Variants in CD247 observed in about 807,000 individuals in gnomAD.
CD247 encodes the protein T-cell surface glycoprotein CD3 zeta chain.
Under a neutral mutation model 30.0 loss-of-function variants are expected in CD247, and 13 were observed. The observed-to-expected ratio is 0.43, with a 90% CI of 0.28 to 0.69. The LOEUF is 0.69. Ranked by LOEUF, CD247 falls within the 30% of genes least tolerant of loss-of-function variation. The pLI, the probability that CD247 is intolerant of heterozygous loss-of-function variation, is 0.16. For synonymous variants in CD247, 72 were observed against 80.0 expected (o/e 0.90, Z 0.53); for missense variants, 193 against 212.6 (o/e 0.91, Z 0.57).
rs753309464 is a variant in CD247, at chr1:167,458,968, CA to C, written c.59-18202del. ...TGAAACCCCGTCTCTACTAAAAATA[CA>C]AAAAAAAAAAAATCTGTTAGCTGAG... On this transcript the variant is annotated intron_variant, in intron 1 of 7. Coordinates refer to ENST00000362089, the MANE Select transcript of CD247 (RefSeq NM_198053.3). Among the ~76,000 whole-genome samples the C allele has an allele frequency of 6.5e-3, 909 of 140,776 alleles. 1 individual carries two copies. Among genetic ancestry groups the C allele is most frequent in the African/African-American group, 8.5e-3 (329 of 38,598 alleles). 92.4% of individuals were successfully genotyped at this position (140,776 alleles called of 152,430 possible).
intron 1 of CD247, among the ~76,000 whole-genome samples, chr1:167,483,966 G>C (rs1006530874): frequency 5.3e-5 from 8 of 152,370 alleles, no homozygotes; most frequent in Admixed American, 5.2e-4. Flanking sequence ...TTCCTGAACA[G>C]AGGCTGCCCA....
At chr1:167,432,916 C>T in intron 7 of CD247, 108 bp downstream of exon 7, 2 of 1,243,222 alleles carry the variant, frequency 1.6e-6, no homozygotes, top group Non-Finnish European at 2.4e-6. Context: ...TTGCCCTGCC[C>T]AGCTGTTGGC....
intron 1 of CD247, among the ~76,000 whole-genome samples, chr1:167,484,765 G>A (rs1654134109): frequency 6.6e-6 from 1 of 152,218 alleles, no homozygotes; most frequent in South Asian, 2.1e-4. Flanking sequence ...GACAGAGCGA[G>A]ACTCTGTCTC....
chr1:167,438,536 G>A (rs1332344429), intron 4 of CD247, 34 bp downstream of exon 4: 4 of 1,547,332 alleles, frequency 2.6e-6, no homozygotes, highest in Non-Finnish European at 2.7e-6. Context: ...CACCACACAT[G>A]CAGGAACACA....
intron 1 of CD247, among the ~76,000 whole-genome samples, chr1:167,466,465 AT>A (rs1432464902): frequency 5.3e-5 from 8 of 151,658 alleles, no homozygotes; most frequent in Non-Finnish European, 7.4e-5. Flanking sequence ...GGAAATTTCC[AT>A]TTTGAGATAA....
intron 1 of CD247, among the ~76,000 whole-genome samples, chr1:167,470,054 C>T (rs563079305): frequency 2.0e-5 from 3 of 152,240 alleles, no homozygotes; most frequent in South Asian, 2.1e-4. Context: ...GCTGGGATTA[C>T]AGGCTCATGC....
chr1:167,502,091 C>T (rs858537), intron 1 of CD247, among the ~76,000 whole-genome samples: 4,260 of 152,334 alleles, frequency 0.028, 86 homozygotes, highest in Non-Finnish European at 0.036. Context: ...CCACAATCTC[C>T]GTCTGGGCCA....
chr1:167,435,420 G>A lies in CD247; in HGVS notation c.315C>T (p.Asn105=). 1 of 1,612,550 alleles carries A rather than the reference G, an allele frequency of 6.2e-7. No individual in the cohort carries two copies. The highest frequency in any genetic ancestry group is 2.2e-5 in the East Asian group (1 of 44,872). ...EMGGKPQRRK[N]PQEGLYNELQ... ...TCACATTGTACAGGCCTTCCTGAGG[G>A]TTCTTCCTTCTCTGCTAGGAAAGAC... Residue 105 remains asparagine (N), a synonymous_variant, in exon 5 of 8, where the codon AAC becomes AAT. Transcript: ENST00000362089.
In CD247 at chr1:167,485,311, C is replaced by T. The variant is rs946570246; in HGVS notation, c.58+33097G>A. Among the ~76,000 whole-genome samples, 6 of 152,296 alleles carry T rather than the reference C, an allele frequency of 3.9e-5. No homozygotes were observed. In the East Asian group the frequency reaches 5.8e-4, roughly 15 times the overall value. On this transcript the variant is annotated intron_variant, in intron 1 of 7. Transcript: ENST00000362089. ...CCTGCTCACAGCTCTGTCCCTGTGC[C>T]GCTGTGGCCTGGCGCTGCGTCTGGG... is the stretch of plus-strand genomic sequence containing the variant.
At chr1:167,471,418 G>A (rs984806673) in intron 1 of CD247, among the ~76,000 whole-genome samples, 7 of 152,122 alleles carry the variant, frequency 4.6e-5, no homozygotes, top group African/African-American at 1.7e-4. Flanking sequence ...ACCACACTGG[G>A]TATTATCATT....
chr1:167,509,445 T>C (rs1306126438), intron 1 of CD247, among the ~76,000 whole-genome samples: 1 of 151,852 alleles, frequency 6.6e-6, no homozygotes, highest in Non-Finnish European at 1.5e-5. Context: ...AAGTAGGTCA[T>C]TGGGAACCAC....
At chr1:167,434,492 G>A in intron 5 of CD247, 1 of 353,484 alleles carries the variant, frequency 2.8e-6, no homozygotes, top group Non-Finnish European at 5.5e-6. Context: ...GGAGGGGCGG[G>A]GAGGCATCTC....
At position 167,494,217 on chromosome 1, in the gene CD247, G is replaced by T. The variant is rs1234094779; in HGVS notation, c.58+24191C>A. Among the ~76,000 whole-genome samples, 1 of 152,170 alleles carries T rather than the reference G, an allele frequency of 6.6e-6. No homozygotes were observed. The highest frequency in any genetic ancestry group is 1.5e-5 in the Non-Finnish European group (1 of 68,030). On this transcript the variant is annotated intron_variant, in intron 1 of 7. Transcript: ENST00000362089. This position sits in a 1 kb window ranked among gnomAD's most constrained non-coding sequence, Gnocchi z 7.3. ...CTAGTGAATAAAACACTTCTGAAGG[G>T]TCTTTGCTGCCTGTGTTGATGGCCA...
Position 167,494,688 on chromosome 1 carries a change from G to T in CD247, c.58+23720C>A, listed in dbSNP as rs1273666569. Among the ~76,000 whole-genome samples, 3 of 152,324 alleles carry T rather than the reference G, an allele frequency of 2.0e-5. No homozygotes were observed. In the East Asian group the frequency reaches 5.8e-4, roughly 29 times the overall value. ...CTGGATTGTTAAAAGGATCAAAAAA[G>T]ATCATGAGTAGTGCATTCCTCGGCA... On this transcript the variant is annotated intron_variant, in intron 1 of 7. Coordinates refer to ENST00000362089, the MANE Select transcript of CD247 (RefSeq NM_198053.3). The surrounding 1 kb of genome is among the most constrained non-coding windows in gnomAD (Gnocchi z 7.3).
intron 1 of CD247, among the ~76,000 whole-genome samples, chr1:167,468,304 C>G (rs758175865): frequency 2.6e-4 from 39 of 152,174 alleles, no homozygotes; most frequent in Non-Finnish European, 4.9e-4. Context: ...TATCTTTTCT[C>G]TATTGTGAGA....
intron 1 of CD247, among the ~76,000 whole-genome samples, chr1:167,514,238 G>T (rs913850191): frequency 6.6e-6 from 1 of 152,134 alleles, no homozygotes; most frequent in African/African-American, 2.4e-5. Flanking sequence ...CCGGGTTCAA[G>T]GGATTCTCCT....
At chr1:167,517,818 G>C (rs1281586560) in intron 1 of CD247, among the ~76,000 whole-genome samples, 1 of 152,168 alleles carries the variant, frequency 6.6e-6, no homozygotes, top group Non-Finnish European at 1.5e-5. Context: ...ATGAGGTGGC[G>C]AAGGCGCTGT....
intron 1 of CD247, among the ~76,000 whole-genome samples, chr1:167,470,504 T>TAAAAAA (rs55679205): frequency 1.1e-4 from 14 of 122,434 alleles, no homozygotes; most frequent in East Asian, 5.1e-4. Context: ...ATGTTAATTG[T>TAAAAAA]AAAAAAAAAA....
intron 1 of CD247, among the ~76,000 whole-genome samples, chr1:167,511,663 G>A (rs1365936284): frequency 6.6e-6 from 1 of 152,130 alleles, no homozygotes; most frequent in East Asian, 1.9e-4. Context: ...AAAAGAGTAA[G>A]TGCTTAGTAA....
Sources: allele counts gnomAD v4.1 joint callset (sites outside exome capture counted in the v4.1 genomes callset), GRCh38; gene constraint gnomAD v4.1.1; non-coding constraint Gnocchi (gnomAD v3.1); transcripts MANE v1.5; gene names NCBI Gene and HGNC (gene_info 2026-07-23, HGNC 2026-07-21).